Variants in FAM135A observed in about 807,000 individuals in gnomAD.
The protein encoded by FAM135A is family with sequence similarity 135 member A, also known as protein FAM135A.
Under a neutral mutation model 146.8 loss-of-function variants are expected in FAM135A, and 79 were observed. The observed-to-expected ratio is 0.54, with a 90% CI of 0.45 to 0.65. The LOEUF (loss-of-function observed/expected upper bound fraction) is 0.65, where lower values mean the gene tolerates loss of function less well. FAM135A is among the 30% of genes least tolerant of loss of function. The pLI is 0.00. For missense variants in FAM135A, 1,623 were observed against 1,758.2 expected (o/e 0.92, Z 1.38); for synonymous variants, 562 against 603.6 (o/e 0.93, Z 1.01).
chr6:70,459,826 G>A (rs766162611), intron 5 of FAM135A, among the ~76,000 whole-genome samples: 6 of 152,194 alleles, frequency 3.9e-5, no homozygotes, highest in East Asian at 1.9e-4. Context: ...TCAGGAGTTC[G>A]AGACAAGCCT....
At chr6:70,551,780 C>T (rs1183772405) in intron 20 of FAM135A, among the ~76,000 whole-genome samples, 1 of 152,118 alleles carries the variant, frequency 6.6e-6, no homozygotes, top group Non-Finnish European at 1.5e-5. Flanking sequence ...GTGGAGCAGT[C>T]AGAGCATAGT....
At chr6:70,529,450 A>C (rs192748491) in intron 16 of FAM135A, among the ~76,000 whole-genome samples, 1 of 151,552 alleles carries the variant, frequency 6.6e-6, no homozygotes, top group African/African-American at 2.4e-5. Context: ...AAAAAAAAAA[A>C]AAAACCAGAC....
intron 20 of FAM135A, among the ~76,000 whole-genome samples, chr6:70,547,768 TC>T (rs1298547521): frequency 6.6e-6 from 1 of 152,230 alleles, no homozygotes; most frequent in Admixed American, 6.5e-5. Flanking sequence ...TGTTCATATA[TC>T]AATCATGTTA....
intron 20 of FAM135A, 39 bp downstream of exon 20, chr6:70,538,440 A>C (rs775296183): frequency 7.0e-6 from 8 of 1,150,306 alleles, no homozygotes; most frequent in Middle Eastern, 2.1e-4. Context: ...ATACATGTGA[A>C]AACTTTTTAA....
chr6:70,514,086 A>C (rs925453932), intron 12 of FAM135A, among the ~76,000 whole-genome samples: 3 of 151,910 alleles, frequency 2.0e-5, no homozygotes, highest in Middle Eastern at 3.4e-3. Context: ...TTATATCTTC[A>C]GATATATTTT....
At chr6:70,542,143 C>A (rs965896446) in intron 20 of FAM135A, among the ~76,000 whole-genome samples, 6 of 152,056 alleles carry the variant, frequency 3.9e-5, no homozygotes, top group Non-Finnish European at 7.4e-5. Flanking sequence ...ATTTGAAAAT[C>A]TTTCATGATG....
chr6:70,467,707 C>T (rs1780738800), intron 5 of FAM135A, among the ~76,000 whole-genome samples: 3 of 151,832 alleles, frequency 2.0e-5, no homozygotes, highest in Admixed American at 2.0e-4. Context: ...CTCCCTTTCT[C>T]CTTCTTTTCT....
intron 11 of FAM135A, among the ~76,000 whole-genome samples, chr6:70,494,744 A>G (rs557094941): frequency 3.9e-5 from 6 of 152,246 alleles, no homozygotes; most frequent in Non-Finnish European, 5.9e-5. Context: ...CGGTATCATG[A>G]TCCCTAGGGA....
chr6:70,448,334 TTCC>T (rs1776279227), intron 4 of FAM135A, among the ~76,000 whole-genome samples: 1 of 152,166 alleles, frequency 6.6e-6, no homozygotes, highest in South Asian at 2.1e-4. Flanking sequence ...TGTACTCTCC[TTCC>T]TCCTCATCAT....
chr6:70,451,633 C>T (rs1003522335), intron 4 of FAM135A, among the ~76,000 whole-genome samples: 2 of 152,144 alleles, frequency 1.3e-5, no homozygotes, highest in Non-Finnish European at 2.9e-5. Context: ...TCCAAGATGA[C>T]ACCTTCCTAG....
At chr6:70,433,129 C>T (rs1182106186) in intron 4 of FAM135A, among the ~76,000 whole-genome samples, 1 of 150,192 alleles carries the variant, frequency 6.7e-6, no homozygotes, top group Non-Finnish European at 1.5e-5. Flanking sequence ...GGCTGGAGTG[C>T]GGTGGCTTGA....
chr6:70,452,655 G>T, intron 5 of FAM135A, 84 bp downstream of exon 5: 42 of 914,094 alleles, frequency 4.6e-5, no homozygotes, highest in Non-Finnish European at 6.5e-5. Flanking sequence ...ACAGATATAA[G>T]ATACCTGTAA....
intron 4 of FAM135A, among the ~76,000 whole-genome samples, chr6:70,430,812 A>T (rs1352731179): frequency 1.3e-5 from 2 of 152,190 alleles, no homozygotes; most frequent in Non-Finnish European, 2.9e-5. Context: ...CAACCCAGCA[A>T]GTTCTAGTTG....
At chr6:70,489,096 C>A (rs566477427) in intron 10 of FAM135A, among the ~76,000 whole-genome samples, 1 of 152,286 alleles carries the variant, frequency 6.6e-6, no homozygotes, top group Admixed American at 6.5e-5. Flanking sequence ...AAATGTGTCA[C>A]AACTCTCAAA....
At chr6:70,486,161 G>A in intron 10 of FAM135A, 1 of 1,613,374 alleles carries the variant, frequency 6.2e-7, no homozygotes, top group Middle Eastern at 1.7e-4. Context: ...CAATCCTTAT[G>A]ACTAGCCAAG....
chr6:70,480,218 T>C (rs897763839), intron 8 of FAM135A, among the ~76,000 whole-genome samples: 1 of 152,112 alleles, frequency 6.6e-6, no homozygotes, highest in Non-Finnish European at 1.5e-5. Flanking sequence ...TAGTATGTAA[T>C]TGATGGTGCC....
intron 20 of FAM135A, among the ~76,000 whole-genome samples, chr6:70,554,354 A>G (rs1031965420): frequency 3.3e-5 from 5 of 152,204 alleles, no homozygotes; most frequent in Non-Finnish European, 7.3e-5. Context: ...AGGTAGAATT[A>G]AAATTTGGTC....
At chr6:70,513,179 A>T (rs1791425339) in intron 12 of FAM135A, 3 of 151,862 alleles carry the variant, frequency 2.0e-5, no homozygotes, top group Admixed American at 2.0e-4. Flanking sequence ...TATTGTTATA[A>T]TATTATACTA....
intron 10 of FAM135A, among the ~76,000 whole-genome samples, chr6:70,483,751 T>G (rs16869267): frequency 0.18 from 26,882 of 152,092 alleles, 2,470 homozygotes; most frequent in Middle Eastern, 0.22. Flanking sequence ...AAAAACAGTG[T>G]GATGAAAAGT....
Sources: gnomAD v4.1 joint callset for allele counts (sites outside exome capture counted in the v4.1 genomes callset) on GRCh38, gnomAD v4.1.1 for gene constraint, MANE v1.5 for transcripts, NCBI Gene and HGNC (gene_info 2026-07-23, HGNC 2026-07-21) for gene names.